Variants in MOB3A observed in about 807,000 individuals in gnomAD.
The protein encoded by MOB3A is MOB kinase activator 3A, also known as MOB LAK.
MOB3A carries 17 observed loss-of-function variants against 17.8 expected under a neutral mutation model. The ratio of observed to expected loss-of-function variants is 0.95; its 90% confidence interval spans 0.65 to 1.43. The LOEUF (loss-of-function observed/expected upper bound fraction) is 1.43. Ranked by LOEUF, MOB3A falls within the 40% of genes most tolerant of loss-of-function variation. The probability of loss-of-function intolerance (pLI) is 0.00; values close to 1 mark genes in which losing one functional copy is unlikely to be tolerated. For synonymous variants in MOB3A, 124 were observed against 133.2 expected (o/e 0.93, Z 0.48); for missense variants, 333 against 310.8 (o/e 1.07, Z -0.54).
chr19:2,076,576 G>A (rs914958829), intron 4 of MOB3A, among the ~76,000 whole-genome samples: 1 of 152,226 alleles, frequency 6.6e-6, no homozygotes, highest in Non-Finnish European at 1.5e-5. Context: ...GACGCGGGGC[G>A]GCGCGGAGGA....
chr19:2,094,565 G>A (rs1405175657), intron 1 of MOB3A, among the ~76,000 whole-genome samples: 3 of 152,190 alleles, frequency 2.0e-5, no homozygotes, highest in South Asian at 2.1e-4. Flanking sequence ...GGGCTCTGAC[G>A]GCTCCAGCCT....
At chr19:2,080,736 G>A (rs2017477176) in intron 2 of MOB3A, among the ~76,000 whole-genome samples, 1 of 152,144 alleles carries the variant, frequency 6.6e-6, no homozygotes, top group Admixed American at 6.6e-5. Flanking sequence ...ATACATGACT[G>A]GGCGAGTGTT....
Position 2,076,885 on chromosome 19 carries a change from T to C in MOB3A, c.550A>G (p.Asn184Asp). The C allele has an allele frequency of 1.2e-6, 2 of 1,614,080 alleles. No individual in the cohort carries two copies. Among genetic ancestry groups the C allele is most frequent in the African/African-American group, 1.3e-5 (1 of 75,038 alleles). ...TAGTAGAAGTGCTTGTAGCAGGTGT[T>C]CACGTGGGCCTCGGAGCCCATCTGC... The part of the protein sequence containing the change: ...IAQMGSEAHV[N>D]TCYKHFYYFV... The change falls in exon 4 of 5, where the codon AAC (asparagine) becomes GAC (aspartate). Residue 184 changes from asparagine (N) to aspartate (D), a missense_variant. Coordinates refer to ENST00000357066, the MANE Select transcript of MOB3A (RefSeq NM_130807.3).
chr19:2,094,089 C>T (rs2017642908), intron 1 of MOB3A, among the ~76,000 whole-genome samples: 1 of 149,674 alleles, frequency 6.7e-6, no homozygotes, highest in Admixed American at 6.7e-5. Context: ...CTCTGTCGCC[C>T]AGGCTGGAGT....
intron 2 of MOB3A, among the ~76,000 whole-genome samples, chr19:2,081,515 G>A (rs1413746718): frequency 1.3e-5 from 2 of 150,774 alleles, no homozygotes; most frequent in East Asian, 3.9e-4. Flanking sequence ...TTGAACCCGG[G>A]GGACAAAGGT....
In MOB3A at chr19:2,076,895, C is replaced by A; in HGVS notation, c.540G>T (p.Glu180Asp). Residue 180 changes from glutamate to aspartate, a missense_variant, in exon 4 of 5, where the codon GAG (glutamate) becomes GAT (aspartate). Physicochemically the swap from Glu to Asp is conservative, Grantham distance 45. Coordinates refer to ENST00000357066, the MANE Select transcript of MOB3A (RefSeq NM_130807.3). ...HFDRIAQMGS[E>D]AHVNTCYKHF... ...GCTTGTAGCAGGTGTTCACGTGGGC[C>A]TCGGAGCCCATCTGCGCGATGCGGT... is the stretch of plus-strand genomic sequence containing the variant. 6.2e-7 allele frequency: 1 copy of A among 1,614,094 alleles called. No individual in the cohort carries two copies. The highest frequency in any genetic ancestry group is 8.5e-7 in the Non-Finnish European group (1 of 1,180,034).
At chr19:2,084,735 C>T (rs986476742) in intron 2 of MOB3A, among the ~76,000 whole-genome samples, 4 of 151,850 alleles carry the variant, frequency 2.6e-5, no homozygotes, top group South Asian at 4.2e-4. Flanking sequence ...GGACTACAGG[C>T]GCCCGCCACC....
At chr19:2,073,535 C>T (rs2017366861) in intron 4 of MOB3A, 111 bp from the exon 5 acceptor site, 6 of 1,422,074 alleles carry the variant, frequency 4.2e-6, no homozygotes, top group African/African-American at 1.4e-5. Context: ...TGGGGGCTTC[C>T]CTGAACACCC....
At chr19:2,088,992 G>A (rs982486992) in intron 1 of MOB3A, among the ~76,000 whole-genome samples, 3 of 152,180 alleles carry the variant, frequency 2.0e-5, no homozygotes, top group Admixed American at 6.5e-5. Flanking sequence ...AGGCTCAAAC[G>A]TGTATCTGGC....
intron 4 of MOB3A, among the ~76,000 whole-genome samples, chr19:2,073,802 A>G (rs2017370133): frequency 6.6e-6 from 1 of 152,124 alleles, no homozygotes; most frequent in African/African-American, 2.4e-5. Flanking sequence ...AGGCAGAGGT[A>G]GGCAGATCAC....
intron 2 of MOB3A, among the ~76,000 whole-genome samples, chr19:2,083,511 C>T (rs144215745): frequency 7.1e-4 from 108 of 152,354 alleles, no homozygotes; most frequent in African/African-American, 2.2e-3. Context: ...TGCTCCTCCA[C>T]GCTGGGAATC....
intron 1 of MOB3A, chr19:2,089,961 CAAG>C (rs2017594859): frequency 6.6e-6 from 1 of 150,624 alleles, no homozygotes; most frequent in African/African-American, 2.4e-5. Context: ...CCCGTATTTC[CAAG>C]TCCCCTGGGG....
intron 1 of MOB3A, among the ~76,000 whole-genome samples, chr19:2,088,531 G>A (rs2017578536): frequency 1.3e-5 from 2 of 151,956 alleles, no homozygotes; most frequent in South Asian, 2.1e-4. Flanking sequence ...GCAGTGGTGC[G>A]ATCTTGGCTC....
intron 1 of MOB3A, among the ~76,000 whole-genome samples, chr19:2,092,024 A>C (rs2017619168): frequency 6.6e-6 from 1 of 151,458 alleles, no homozygotes; most frequent in Admixed American, 6.6e-5. Flanking sequence ...GAAAGAAAGA[A>C]TAATAAATTG....
At chr19:2,092,752 TC>T (rs1332968015) in intron 1 of MOB3A, among the ~76,000 whole-genome samples, 1 of 26,868 alleles carries the variant, frequency 3.7e-5, no homozygotes, top group Non-Finnish European at 5.3e-5. Flanking sequence ...AAACTCCATC[TC>T]AAAAAAAAAA....
intron 1 of MOB3A, among the ~76,000 whole-genome samples, chr19:2,094,648 A>T (rs1236799941): frequency 6.6e-6 from 1 of 152,214 alleles, no homozygotes; most frequent in African/African-American, 2.4e-5. Context: ...CGTGATGCAC[A>T]AGAAGGAAGG....
At chr19:2,085,146 G>C (rs970241366) in intron 2 of MOB3A, 29 bp downstream of exon 2, 1 of 152,090 alleles carries the variant, frequency 6.6e-6, no homozygotes, top group South Asian at 2.1e-4. Context: ...TCCCGCCCTC[G>C]TTGTCCCCTG....
Position 2,082,899 on chromosome 19 carries a change from G to A in MOB3A, c.-120+2276C>T, listed in dbSNP as rs1451969815. Among the ~76,000 whole-genome samples the A allele has an allele frequency of 2.0e-5, 3 of 152,082 alleles. No individual in the cohort carries two copies. Among genetic ancestry groups the A allele is most frequent in the East Asian group, 1.9e-4 (1 of 5,190 alleles). On this transcript the variant is annotated intron_variant, in intron 2 of 4. Coordinates refer to ENST00000357066, the MANE Select transcript of MOB3A (RefSeq NM_130807.3). The surrounding 1 kb of genome is among the most constrained non-coding windows in gnomAD (Gnocchi z 4.1). ...GGATCATGGCTCACACTTCAGCCTC[G>A]ACCTCCTAGCTCAAGGGATCCTCCT...
chr19:2,091,533 G>A (rs191637137), intron 1 of MOB3A, among the ~76,000 whole-genome samples: 18 of 151,414 alleles, frequency 1.2e-4, no homozygotes, highest in African/African-American at 4.4e-4. Context: ...ACAGGCGCCC[G>A]CCACTACGCC....
Sources: gnomAD v4.1 joint callset for allele counts (sites outside exome capture counted in the v4.1 genomes callset) on GRCh38, gnomAD v4.1.1 for gene constraint, Gnocchi (gnomAD v3.1) non-coding constraint, MANE v1.5 for transcripts, NCBI Gene and HGNC (gene_info 2026-07-23, HGNC 2026-07-21) for gene names.